PDE4D: variants seen among roughly 807,000 people sequenced by gnomAD.
PDE4D encodes phosphodiesterase 4D, also known as 3',5'-cyclic-AMP phosphodiesterase 4D.
In PDE4D, 24 loss-of-function variants were observed where a neutral mutation model predicts 87.4. The observed-to-expected ratio is 0.27, with a 90% CI of 0.20 to 0.39. The LOEUF is 0.39. Among genes scored for constraint, PDE4D ranks in the 10% least tolerant of loss-of-function variants. PDE4D has a pLI of 1.00. For missense variants in PDE4D, 714 were observed against 1,041.0 expected (o/e 0.69, Z 4.32); for synonymous variants, 384 against 383.2 (o/e 1.00, Z -0.02).
intron 2 of PDE4D, among the ~76,000 whole-genome samples, chr5:59,197,561 CCTCAA>C (rs1745741427): frequency 6.6e-6 from 1 of 152,086 alleles, no homozygotes; most frequent in South Asian, 2.1e-4. Context: ...TTGTCTAAGT[CCTCAA>C]CTCAATATTA....
intron 1 of PDE4D, among the ~76,000 whole-genome samples, chr5:59,234,947 T>C (rs1756059517): frequency 6.6e-6 from 1 of 152,028 alleles, no homozygotes; most frequent in Non-Finnish European, 1.5e-5. Flanking sequence ...TTTTTCCATG[T>C]CTTTAAGACT....
chr5:59,198,683 T>C (rs1013830581), intron 2 of PDE4D, among the ~76,000 whole-genome samples: 3 of 152,218 alleles, frequency 2.0e-5, no homozygotes, highest in African/African-American at 4.8e-5. Context: ...TCTTTTTTTT[T>C]CTCACAAGAG....
At chr5:60,117,703 C>T (rs1280626130) in intron 2 of PDE4D, among the ~76,000 whole-genome samples, 2 of 152,000 alleles carry the variant, frequency 1.3e-5, no homozygotes, top group Non-Finnish European at 2.9e-5. Flanking sequence ...CTTTCTGGTT[C>T]CTTTCCTTTT....
intron 5 of PDE4D, among the ~76,000 whole-genome samples, chr5:59,169,229 A>G (rs370198186): frequency 1.1e-4 from 16 of 152,184 alleles, no homozygotes; most frequent in South Asian, 4.1e-4. Context: ...ATTTCTGAGT[A>G]TGCCTAGAAT....
intron 2 of PDE4D, among the ~76,000 whole-genome samples, chr5:60,162,379 C>G (rs1189468387): frequency 6.6e-6 from 1 of 152,096 alleles, no homozygotes; most frequent in Non-Finnish European, 1.5e-5. Context: ...GTCTCCGCAG[C>G]TGAGACAAAT....
chr5:59,920,061 A>G (rs1754498891), intron 3 of PDE4D, among the ~76,000 whole-genome samples: 1 of 152,220 alleles, frequency 6.6e-6, no homozygotes, highest in Non-Finnish European at 1.5e-5. Context: ...AAAATACACT[A>G]AAACCATAAG....
Position 59,215,964 on chromosome 5 carries a change from C to A in PDE4D, c.460G>T (p.Asp154Tyr). ...CCCGCAGATGTGCCATTGTCCACATCAAAACTGTAAAGGAAGGAGAAGGAA... is the reference window on the plus strand; with the variant it reads ...CCCGCAGATGTGCCATTGTCCACATAAAAACTGTAAAGGAAGGAGAAGGAA... ...PSSFQGLRRF[D>Y]VDNGTSAGRS... Residue 154 changes from aspartate to tyrosine, a missense_variant, in exon 2 of 15, where the codon GAT (aspartate) becomes TAT (tyrosine). By Grantham distance (160) the Asp-to-Tyr change is radical. Transcript: ENST00000340635. 1 of 1,607,934 alleles carries A rather than the reference C, an allele frequency of 6.2e-7. No homozygotes were observed.
chr5:60,389,611 C>A (rs1011704631), intron 1 of PDE4D, among the ~76,000 whole-genome samples: 3 of 152,160 alleles, frequency 2.0e-5, no homozygotes, highest in Non-Finnish European at 4.4e-5. Context: ...CATCTCTGTG[C>A]CATGTAATGT....
At chr5:59,916,568 G>A (rs1435005890) in intron 3 of PDE4D, among the ~76,000 whole-genome samples, 1 of 152,112 alleles carries the variant, frequency 6.6e-6, no homozygotes, top group African/African-American at 2.4e-5. Context: ...ACTAGAGTCT[G>A]ACAAGCCAAT....
At chr5:59,092,954 T>C (rs1769003968) in intron 5 of PDE4D, among the ~76,000 whole-genome samples, 1 of 149,984 alleles carries the variant, frequency 6.7e-6, no homozygotes, top group African/African-American at 2.5e-5. Context: ...GGTGAAATCA[T>C]GCCTGCTTAT....
chr5:59,239,535 A>G (rs1346746243), intron 1 of PDE4D, among the ~76,000 whole-genome samples: 1 of 152,212 alleles, frequency 6.6e-6, no homozygotes, highest in African/African-American at 2.4e-5. Flanking sequence ...TACTATTTTT[A>G]GCATTTCATA....
chr5:59,788,794 T>C (rs1047073450), intron 1 of PDE4D, among the ~76,000 whole-genome samples: 1 of 152,234 alleles, frequency 6.6e-6, no homozygotes, highest in Non-Finnish European at 1.5e-5. Flanking sequence ...GTAACCTCCC[T>C]TGTTGCATTA....
rs181099237 is a variant in PDE4D at position 59,202,242 on chromosome 5, G to T, written c.648-8706C>A. On this transcript the variant is annotated intron_variant, in intron 2 of 14. Coordinates refer to ENST00000340635, the MANE Select transcript of PDE4D (RefSeq NM_001104631.2). ...TTTTTAGTAGAGACAGGATTTCACC[G>T]TGTTAGCCAGGATGGTCTCGATCTC... Among the ~76,000 whole-genome samples the T allele has an allele frequency of 4.2e-3, 633 of 151,952 alleles. 1 individual carries two copies. The highest frequency in any genetic ancestry group is 0.015 in the African/African-American group (604 of 41,464).
At chr5:59,660,712 C>A (rs1745099967) in intron 1 of PDE4D, among the ~76,000 whole-genome samples, 1 of 152,004 alleles carries the variant, frequency 6.6e-6, no homozygotes, top group Admixed American at 6.6e-5. Flanking sequence ...ACAATTTTGA[C>A]CTGTGGATTT....
At chr5:60,105,207 T>A (rs1776740412) in intron 2 of PDE4D, among the ~76,000 whole-genome samples, 1 of 151,946 alleles carries the variant, frequency 6.6e-6, no homozygotes, top group Non-Finnish European at 1.5e-5. Context: ...GAGAACTACG[T>A]GAAGAATGCA....
At chr5:59,741,302 T>C (rs1374299923) in intron 1 of PDE4D, among the ~76,000 whole-genome samples, 1 of 152,200 alleles carries the variant, frequency 6.6e-6, no homozygotes, top group Non-Finnish European at 1.5e-5. Context: ...TCTTCCTATA[T>C]GTCACTACGC....
intron 1 of PDE4D, among the ~76,000 whole-genome samples, chr5:59,435,679 T>C (rs983077822): frequency 2.8e-4 from 42 of 152,160 alleles, no homozygotes; most frequent in African/African-American, 1.0e-3. Context: ...TTTGACCTTG[T>C]AATCCAGGAA....
chr5:59,711,312 C>T (rs913692760), intron 1 of PDE4D, among the ~76,000 whole-genome samples: 70 of 151,818 alleles, frequency 4.6e-4, no homozygotes, highest in African/African-American at 1.6e-3. Flanking sequence ...TAGTATAATC[C>T]CTTAAGTCTC....
At chr5:59,072,044 C>G (rs558192165) in intron 5 of PDE4D, among the ~76,000 whole-genome samples, 1 of 152,178 alleles carries the variant, frequency 6.6e-6, no homozygotes, top group Admixed American at 6.5e-5. Flanking sequence ...CTTTCACTTA[C>G]TTTTTCTAAG....
Sources: allele counts gnomAD v4.1 joint callset (sites outside exome capture counted in the v4.1 genomes callset), GRCh38; gene constraint gnomAD v4.1.1; transcripts MANE v1.5; gene names NCBI Gene and HGNC (gene_info 2026-07-23, HGNC 2026-07-21).